The following FAM135B variants were observed in gnomAD, a reference collection of about 807,000 sequenced individuals.
FAM135B encodes the protein family with sequence similarity 135 member B.
In FAM135B, 43 loss-of-function variants were observed where a neutral mutation model predicts 127.7. The ratio of observed to expected loss-of-function variants is 0.34; its 90% CI spans 0.26 to 0.43. The LOEUF is 0.43. Among genes scored for constraint, FAM135B ranks in the 20% least tolerant of loss-of-function variants. The pLI is 1.00. For missense variants in FAM135B, 1,558 were observed against 1,725.6 expected (o/e 0.90, Z 1.72); for synonymous variants, 670 against 665.1 (o/e 1.01, Z -0.11).
At chr8:138,272,353 T>C (rs766118620) in intron 3 of FAM135B, among the ~76,000 whole-genome samples, 20 of 152,168 alleles carry the variant, frequency 1.3e-4, no homozygotes, top group Admixed American at 2.0e-4. Flanking sequence ...TTTGTTATAG[T>C]TCTAGTTTGT....
At position 138,240,461 on chromosome 8, in the gene FAM135B, G is replaced by A. The variant is rs144524549; in HGVS notation, c.669+2481C>T. ...TCCCATTTGGTTACTGGCTCCTGCC[G>A]TGTGAAGCAATGAATGGTCTGTGTG... On this transcript the variant is annotated intron_variant, in intron 7 of 19. Coordinates refer to ENST00000395297, the MANE Select transcript of FAM135B (RefSeq NM_015912.4). Among the ~76,000 whole-genome samples, 47 of 152,298 alleles carry A rather than the reference G, an allele frequency of 3.1e-4. 1 individual carries two copies. The highest frequency in any genetic ancestry group is 1.1e-3 in the African/African-American group (44 of 41,570).
Position 138,341,196 on chromosome 8 carries a change from G to A in FAM135B, c.77+26711C>T, listed in dbSNP as rs137959677. On this transcript the variant is annotated intron_variant, in intron 2 of 19. Coordinates refer to ENST00000395297, the MANE Select transcript of FAM135B (RefSeq NM_015912.4). ...TCACCAGATGACTGGATAATGTGCG[G>A]CATGCCCATACAATGGAACAGTATT... Among the ~76,000 whole-genome samples, 27 of 152,332 alleles carry A rather than the reference G, an allele frequency of 1.8e-4. No individual in the cohort carries two copies. In the East Asian group the frequency reaches 4.6e-3, roughly 26 times the overall value.
In FAM135B at chr8:138,152,277, G is replaced by A. The variant is rs2130763195; in HGVS notation, c.2198C>T (p.Thr733Ile). Residue 733 changes from threonine to isoleucine, a missense_variant, in exon 13 of 20, where the codon ACA (threonine) becomes ATA (isoleucine). Thr to Ile is a moderately conservative substitution (Grantham distance 89). Coordinates refer to ENST00000395297, the MANE Select transcript of FAM135B (RefSeq NM_015912.4). ...LHRNSLEGGHTESNTSLPSGI... is the reference protein window; with the variant it reads ...LHRNSLEGGHIESNTSLPSGI... ...GCTTGGCAAACTTGTGTTACTTTCTGTGTGTCCACCCTCTAGGGAGTTCCG... is the reference window on the plus strand; with the variant it reads ...GCTTGGCAAACTTGTGTTACTTTCTATGTGTCCACCCTCTAGGGAGTTCCG... The A allele has an allele frequency of 3.1e-6, 5 of 1,614,106 alleles. No homozygotes were observed. The highest frequency in any genetic ancestry group is 4.2e-6 in the Non-Finnish European group (5 of 1,180,040).
At chr8:138,471,194 A>G (rs549646994) in intron 1 of FAM135B, among the ~76,000 whole-genome samples, 25 of 151,056 alleles carry the variant, frequency 1.7e-4, no homozygotes, top group African/African-American at 5.6e-4. Context: ...CTGGCAACAC[A>G]TTATCATGCA....
At chr8:138,164,034 C>T (rs953479626) in intron 12 of FAM135B, among the ~76,000 whole-genome samples, 3 of 151,234 alleles carry the variant, frequency 2.0e-5, no homozygotes, top group African/African-American at 7.3e-5. Flanking sequence ...TCTTTTATTT[C>T]CCTTTTTTCC....
intron 1 of FAM135B, among the ~76,000 whole-genome samples, chr8:138,473,104 C>G (rs1278908022): frequency 6.6e-6 from 1 of 152,058 alleles, no homozygotes; most frequent in Non-Finnish European, 1.5e-5. Context: ...ACCTTTTGTT[C>G]CACATTAGAC....
chr8:138,484,361 T>C (rs958381445), intron 1 of FAM135B, among the ~76,000 whole-genome samples: 2 of 152,188 alleles, frequency 1.3e-5, no homozygotes, highest in Non-Finnish European at 2.9e-5. Context: ...AAATGGTTTG[T>C]TTTACTTTCA....
In FAM135B at chr8:138,266,811, C is replaced by T. The variant is rs1329884171; in HGVS notation, c.158-969G>A. The stretch of plus-strand genomic sequence containing the variant: ...ACACACATACACACACATACACACA[C>T]GCACATACATATGCGTATATATACA... On this transcript the variant is annotated intron_variant, in intron 3 of 19. Coordinates refer to ENST00000395297, the MANE Select transcript of FAM135B (RefSeq NM_015912.4). Among the ~76,000 whole-genome samples the T allele has an allele frequency of 3.9e-5, 5 of 127,572 alleles. No individual in the cohort carries two copies. In the South Asian group the frequency reaches 1.0e-3, roughly 26 times the overall value. 83.7% of individuals were successfully genotyped at this position (127,572 alleles called of 152,430 possible).
At chr8:138,148,380 T>A in intron 14 of FAM135B, 140 bp downstream of exon 14, 1 of 699,216 alleles carries the variant, frequency 1.4e-6, no homozygotes, top group Non-Finnish European at 2.3e-6. Flanking sequence ...ACCATTTCCT[T>A]AGATTCATCA....
chr8:138,375,040 C>T (rs566287075), intron 1 of FAM135B, among the ~76,000 whole-genome samples: 11 of 152,130 alleles, frequency 7.2e-5, no homozygotes, highest in Non-Finnish European at 1.2e-4. Context: ...GTCCTACACT[C>T]AGACCTCCTA....
intron 19 of FAM135B, 21 bp downstream of exon 19, chr8:138,137,126 C>T: frequency 7.8e-7 from 1 of 1,274,938 alleles, no homozygotes; most frequent in Non-Finnish European, 1.1e-6. Context: ...AGTCCCTGAG[C>T]AAAAATTAAA....
At chr8:138,474,239 A>C (rs1473383169) in intron 1 of FAM135B, among the ~76,000 whole-genome samples, 1 of 152,156 alleles carries the variant, frequency 6.6e-6, no homozygotes, top group African/African-American at 2.4e-5. Context: ...ATGAACAAAA[A>C]GTAAGGACGT....
chr8:138,197,435 C>G (rs2131133935), intron 8 of FAM135B, 81 bp downstream of exon 8: 1 of 1,517,860 alleles, frequency 6.6e-7, no homozygotes, highest in Non-Finnish European at 8.9e-7. Context: ...TTTACAAAAG[C>G]ATGCCAGCTT....
intron 12 of FAM135B, among the ~76,000 whole-genome samples, chr8:138,159,623 A>C (rs1455227588): frequency 7.8e-6 from 1 of 128,282 alleles, no homozygotes; most frequent in Non-Finnish European, 1.7e-5. Context: ...GGGAGGGGGG[A>C]GGGATAGCAT....
intron 11 of FAM135B, among the ~76,000 whole-genome samples, chr8:138,169,828 T>A (rs1820271979): frequency 6.6e-6 from 1 of 152,088 alleles, no homozygotes; most frequent in African/African-American, 2.4e-5. Context: ...GCAGGACAGG[T>A]GTGGGAGAGT....
chr8:138,380,386 G>A (rs1831774616), intron 1 of FAM135B, among the ~76,000 whole-genome samples: 2 of 152,028 alleles, frequency 1.3e-5, no homozygotes, highest in Non-Finnish European at 2.9e-5. Flanking sequence ...TGGAGATGGG[G>A]TTTTGCCATG....
intron 7 of FAM135B, among the ~76,000 whole-genome samples, chr8:138,202,793 G>GC (rs1563764575): frequency 6.6e-6 from 1 of 151,340 alleles, no homozygotes; most frequent in East Asian, 1.9e-4. Context: ...CTCGGTGAAC[G>GC]TGTCTATGGA....
intron 1 of FAM135B, among the ~76,000 whole-genome samples, chr8:138,442,663 T>C (rs1835873083): frequency 6.6e-6 from 1 of 151,922 alleles, no homozygotes; most frequent in Admixed American, 6.6e-5. Context: ...AGCCAGGATG[T>C]TATCCCAGGC....
chr8:138,394,986 G>C (rs1488593937), intron 1 of FAM135B, among the ~76,000 whole-genome samples: 1 of 152,148 alleles, frequency 6.6e-6, no homozygotes, highest in Non-Finnish European at 1.5e-5. Flanking sequence ...TGGGTCACTT[G>C]TGTCCCTTCT....
Sources: gnomAD v4.1 joint callset for allele counts (sites outside exome capture counted in the v4.1 genomes callset) on GRCh38, gnomAD v4.1.1 for gene constraint, MANE v1.5 for transcripts, NCBI Gene and HGNC (gene_info 2026-07-23, HGNC 2026-07-21) for gene names.